Variants in RIPPLY3 observed in about 807,000 individuals in gnomAD.
RIPPLY3 encodes the protein ripply transcriptional repressor 3, also known as protein ripply3.
Under a neutral mutation model 11.9 loss-of-function variants are expected in RIPPLY3, and 8 were observed. That is an observed-to-expected ratio of 0.67 (90% CI 0.40 to 1.21). The LOEUF is 1.21. Among genes scored for constraint, RIPPLY3 ranks in the 50% most tolerant of loss-of-function variants. The probability of loss-of-function intolerance (pLI) is 0.01; values close to 1 mark genes in which losing one functional copy is unlikely to be tolerated. For synonymous variants in RIPPLY3, 102 were observed against 99.0 expected (o/e 1.03, Z -0.18); for missense variants, 271 against 246.0 (o/e 1.10, Z -0.68).
At position 37,014,590 on chromosome 21, in the gene RIPPLY3, C is replaced by T. The variant is rs75654500; in HGVS notation, c.239+972C>T. Among the ~76,000 whole-genome samples, 1,452 of 152,248 alleles carry T rather than the reference C, an allele frequency of 9.5e-3. 20 individuals are homozygous for T. Among genetic ancestry groups the T allele is most frequent in the African/African-American group, 0.033 (1,355 of 41,552 alleles). ...TTACCAAAATTAACCTTGCCTGGGC[C>T]GCCTCCACCAGGTGCCTTTGCCCTG... On this transcript the variant is annotated intron_variant, in intron 3 of 3. Transcript: ENST00000329553.
Position 37,006,938 on chromosome 21 carries a change from A to G in RIPPLY3, c.104+62A>G. ...AGGCGTGCGCGGTGGCGGTGCGGGG[A>G]GCGCAGCGAGCGGGAGGCTGGGGCG... On this transcript the variant is annotated intron_variant, in intron 1 of 3. Transcript: ENST00000329553. This position sits in a 1 kb window ranked among gnomAD's most constrained non-coding sequence, Gnocchi z 5.2. The G allele has an allele frequency of 1.0e-6, 1 of 986,750 alleles. No homozygotes were observed. The allele number at this position is 986,750 out of a possible 1,614,324, so 61.1% of individuals were successfully genotyped here. A position where few individuals can be genotyped will look rare whatever the true frequency, so the allele number is the denominator to read the frequency against.
chr21:37,008,111 G>A (rs773828584), intron 1 of RIPPLY3, 46 bp from the exon 2 acceptor site: 4 of 1,602,090 alleles, frequency 2.5e-6, no homozygotes. Context: ...TTTGAAGGCA[G>A]CAGAAGTGCC....
chr21:37,013,707 C>A, intron 3 of RIPPLY3, 89 bp downstream of exon 3: 1 of 888,812 alleles, frequency 1.1e-6, no homozygotes, highest in Non-Finnish European at 1.8e-6. Context: ...CATAGATTGT[C>A]AACAAAGTGG....
At chr21:37,006,446 C>G (rs998218123), upstream of RIPPLY3, 1 of 234,426 alleles carries the variant, frequency 4.3e-6, no homozygotes, top group South Asian at 1.8e-4. The surrounding 1 kb of genome is among the most constrained non-coding windows in gnomAD (Gnocchi z 5.2). Flanking sequence ...CACCCTTGCC[C>G]GGGCCTGCCG....
intron 3 of RIPPLY3, among the ~76,000 whole-genome samples, chr21:37,015,311 G>T (rs955547793): frequency 6.6e-6 from 1 of 152,046 alleles, no homozygotes; most frequent in Non-Finnish European, 1.5e-5. Context: ...TTACAGGTGC[G>T]TGCTGCCATG....
chr21:37,018,045 C>G lies in RIPPLY3; in HGVS notation c.411C>G (p.Pro137=), dbSNP rs755266720. ...EEGPPPLHLL[P]QEVGGRQENG... is the part of the protein sequence containing the mutation. The stretch of plus-strand genomic sequence containing the variant: ...GACCCCCACCCCTCCATCTTCTGCC[C>G]CAGGAGGTGGGAGGTCGGCAGGAAA... The change falls in exon 4 of 4, where the codon CCC becomes CCG. Residue 137 remains proline, a synonymous_variant. Transcript: ENST00000329553. The G allele has an allele frequency of 3.1e-6, 5 of 1,613,936 alleles. No homozygotes were observed. Among genetic ancestry groups the G allele is most frequent in the African/African-American group, 1.3e-5 (1 of 74,900 alleles).
At chr21:37,012,083 C>T (rs1056912975) in intron 2 of RIPPLY3, among the ~76,000 whole-genome samples, 1 of 151,682 alleles carries the variant, frequency 6.6e-6, no homozygotes, top group Non-Finnish European at 1.5e-5. Flanking sequence ...TGGAGATTCA[C>T]GGTGTCAAAG....
Position 37,019,531 on chromosome 21 carries a change from TTA to T in RIPPLY3, c.*1326_*1327del, listed in dbSNP as rs2146782715. The T allele has an allele frequency of 6.6e-6, 1 of 152,204 alleles. No homozygotes were observed. The highest frequency in any genetic ancestry group is 2.4e-5 in the African/African-American group (1 of 41,536). The allele number at this position is 152,204 out of a possible 1,614,324, so 9.4% of individuals were successfully genotyped here. A position where few individuals can be genotyped will look rare whatever the true frequency, so the allele number is the denominator to read the frequency against. ...TTTAATTAAAGTATCTGATGTAAAA[TTA>T]TTTTGAGTTTTTAATATTTTGATAA... On this transcript the variant is annotated 3_prime_UTR_variant, in exon 4 of 4. Coordinates refer to ENST00000329553, the MANE Select transcript of RIPPLY3 (RefSeq NM_018962.3).
intron 2 of RIPPLY3, among the ~76,000 whole-genome samples, 178 bp downstream of exon 2, chr21:37,008,401 A>G (rs2146772450): frequency 6.6e-6 from 1 of 152,100 alleles, no homozygotes; most frequent in Non-Finnish European, 1.5e-5. Flanking sequence ...ATCAGACCTG[A>G]CTCGCATTAT....
intron 2 of RIPPLY3, among the ~76,000 whole-genome samples, chr21:37,010,263 G>A (rs1167049241): frequency 6.6e-6 from 1 of 152,106 alleles, no homozygotes; most frequent in African/African-American, 2.4e-5. Context: ...AGGCCGAGGC[G>A]GTCGGATCAT....
rs2069620294 is a variant in RIPPLY3, at chr21:37,019,612, G to A, written c.*1405G>A. The stretch of plus-strand genomic sequence containing the variant: ...CTTATCTTACATGTGGTGTCTTCCT[G>A]TATATAGTACATTATATCAATTTCT... On this transcript the variant is annotated 3_prime_UTR_variant, in exon 4 of 4. Transcript: ENST00000329553. 1 of 151,986 alleles carries A rather than the reference G, an allele frequency of 6.6e-6. No individual in the cohort carries two copies. Among genetic ancestry groups the A allele is most frequent in the African/African-American group, 2.4e-5 (1 of 41,370 alleles). The allele number at this position is 151,986 out of a possible 1,614,324, so 9.4% of individuals were successfully genotyped here.
chr21:37,012,808 C>T (rs1370384667), intron 2 of RIPPLY3, among the ~76,000 whole-genome samples: 1 of 151,918 alleles, frequency 6.6e-6, no homozygotes, highest in Admixed American at 6.6e-5. Flanking sequence ...TCACTTGTTC[C>T]ACACAAGGCT....
intron 3 of RIPPLY3, 112 bp downstream of exon 3, chr21:37,013,730 T>C: frequency 1.3e-6 from 1 of 744,834 alleles, no homozygotes; most frequent in East Asian, 2.8e-5. Flanking sequence ...AATAATTCAA[T>C]GTATTCTTTG....
At chr21:37,016,880 G>A (rs567641788) in intron 3 of RIPPLY3, among the ~76,000 whole-genome samples, 62 of 152,058 alleles carry the variant, frequency 4.1e-4, no homozygotes, top group Non-Finnish European at 7.4e-4. Flanking sequence ...TTATGGCCGG[G>A]AGTGGTGGCT....
intron 2 of RIPPLY3, among the ~76,000 whole-genome samples, chr21:37,011,178 T>A (rs1403935134): frequency 6.6e-6 from 1 of 152,048 alleles, no homozygotes; most frequent in Non-Finnish European, 1.5e-5. Context: ...AATTTTTGTA[T>A]TTGTAGTAGG....
Position 37,017,948 on chromosome 21 carries a change from T to G in RIPPLY3, c.314T>G (p.Val105Gly), listed in dbSNP as rs755582207. The change falls in exon 4 of 4, where the codon GTG becomes GGG. Residue 105 changes from valine (V) to glycine (G), a missense_variant. Coordinates refer to ENST00000329553, the MANE Select transcript of RIPPLY3 (RefSeq NM_018962.3). ...SGEQVLASFP[V>G]QATIDFYDDE... ...GAGCAAGTACTGGCCAGTTTCCCAGTGCAAGCCACGATTGACTTCTACGAC... is the reference window on the plus strand; with the variant it reads ...GAGCAAGTACTGGCCAGTTTCCCAGGGCAAGCCACGATTGACTTCTACGAC... 2 of 1,614,164 alleles carry G rather than the reference T, an allele frequency of 1.2e-6. No homozygotes were observed. The highest frequency in any genetic ancestry group is 1.7e-6 in the Non-Finnish European group (2 of 1,180,024).
chr21:37,009,584 G>A (rs1027503652), intron 2 of RIPPLY3, among the ~76,000 whole-genome samples: 1 of 152,100 alleles, frequency 6.6e-6, no homozygotes, highest in Admixed American at 6.6e-5. Context: ...AAATTTAAAG[G>A]TGCTTGTGTG....
At position 37,017,876 on chromosome 21, in the gene RIPPLY3, T is replaced by G; in HGVS notation, c.242T>G (p.Val81Gly). 1 of 1,602,594 alleles carries G rather than the reference T, an allele frequency of 6.2e-7. No homozygotes were observed. The highest frequency in any genetic ancestry group is 1.7e-4 in the Middle Eastern group (1 of 5,992). The change falls in exon 4 of 4, where the codon GTC (valine) becomes GGC (glycine). Residue 81 changes from valine (V) to glycine (G), a missense_variant and splice_region_variant. Coordinates refer to ENST00000329553, the MANE Select transcript of RIPPLY3 (RefSeq NM_018962.3). The stretch of plus-strand genomic sequence containing the variant: ...TATATTTGTTTCTTAAATATTAGAG[T>G]CTATTTACCCATGTCAAAGCGTCAA... ...GAFGFQHPVR[V>G]YLPMSKRQEY...
At chr21:37,008,121 C>T in intron 1 of RIPPLY3, 36 bp from the exon 2 acceptor site, 1 of 1,611,162 alleles carries the variant, frequency 6.2e-7, no homozygotes, top group Non-Finnish European at 8.5e-7. Flanking sequence ...GCAGAAGTGC[C>T]CAGGGTTCAC....
Sources: allele counts gnomAD v4.1 joint callset (sites outside exome capture counted in the v4.1 genomes callset), GRCh38; gene constraint gnomAD v4.1.1; non-coding constraint Gnocchi (gnomAD v3.1); transcripts MANE v1.5; gene names NCBI Gene and HGNC (gene_info 2026-07-23, HGNC 2026-07-21).